The following QKI variants were observed in gnomAD, a reference collection of about 807,000 sequenced individuals.
The protein encoded by QKI is KH domain-containing RNA-binding protein QKI.
In QKI, 10 loss-of-function variants were observed where a neutral mutation model predicts 39.0. The observed-to-expected ratio is 0.26, with a 90% CI of 0.16 to 0.43. QKI has a LOEUF of 0.43. Ranked by LOEUF, QKI falls within the 20% of genes least tolerant of loss-of-function variation. The pLI, the probability that QKI is intolerant of heterozygous loss-of-function variation, is 1.00. For synonymous variants in QKI, 204 were observed against 155.4 expected, an observed-to-expected ratio of 1.31 and a Z score of -2.33; for missense variants, 218 against 428.0, an observed-to-expected ratio of 0.51 and a Z score of 4.33.
chr6:163,509,156 TC>T (rs1779284055), intron 3 of QKI, among the ~76,000 whole-genome samples: 1 of 151,228 alleles, frequency 6.6e-6, no homozygotes, highest in African/African-American at 2.5e-5. Flanking sequence ...AGTCAATCAG[TC>T]AGTCAATCAA....
chr6:163,535,287 C>T (rs1016424745), intron 4 of QKI, among the ~76,000 whole-genome samples, 162 bp downstream of exon 4: 2 of 151,982 alleles, frequency 1.3e-5, no homozygotes, highest in African/African-American at 4.8e-5. Context: ...ATAATAAAAA[C>T]ATAAAGTTCG....
At chr6:163,514,077 A>G (rs1189929969) in intron 3 of QKI, among the ~76,000 whole-genome samples, 2 of 152,104 alleles carry the variant, frequency 1.3e-5, no homozygotes, top group Non-Finnish European at 2.9e-5. Context: ...GCCAGAGGAG[A>G]TAGATAACCC....
intron 3 of QKI, among the ~76,000 whole-genome samples, chr6:163,504,790 A>G (rs948546402): frequency 2.0e-5 from 3 of 152,160 alleles, no homozygotes. Flanking sequence ...TATTGTTAGC[A>G]AAGAGAGATA....
In QKI at chr6:163,455,429, T is replaced by G. The variant is rs1327559590; in HGVS notation, c.285+8T>G. 1 of 1,607,344 alleles carries G rather than the reference T, an allele frequency of 6.2e-7. No individual in the cohort carries two copies. Among genetic ancestry groups the G allele is most frequent in the South Asian group, 1.1e-5 (1 of 90,424 alleles). ...GTAAAAGAATACCCAGATGTAAGTA[T>G]ATTTTGTTGTTTTATTCAATTTTGT... On this transcript the variant is annotated splice_region_variant and intron_variant, in intron 2 of 7. Transcript: ENST00000361752.
intron 1 of QKI, among the ~76,000 whole-genome samples, chr6:163,422,065 C>T (rs921503310): frequency 3.3e-5 from 5 of 151,404 alleles, no homozygotes; most frequent in Non-Finnish European, 7.4e-5. Flanking sequence ...AGCCACCAAG[C>T]TCTAAACTGT....
intron 4 of QKI, among the ~76,000 whole-genome samples, chr6:163,542,154 A>G (rs1781563430): frequency 6.6e-6 from 1 of 152,006 alleles, no homozygotes; most frequent in African/African-American, 2.4e-5. Context: ...GAAATTATAT[A>G]ACATTACTAA....
At chr6:163,430,360 A>T (rs942512811) in intron 1 of QKI, among the ~76,000 whole-genome samples, 2 of 151,882 alleles carry the variant, frequency 1.3e-5, no homozygotes, top group African/African-American at 4.8e-5. Context: ...GACTCTCTTT[A>T]GGTTTTTGGA....
At chr6:163,499,564 G>A (rs1342415387) in intron 3 of QKI, among the ~76,000 whole-genome samples, 2 of 152,140 alleles carry the variant, frequency 1.3e-5, no homozygotes, top group Admixed American at 6.5e-5. Flanking sequence ...GACAGTGTAC[G>A]TTTAGTTTAA....
intron 4 of QKI, among the ~76,000 whole-genome samples, chr6:163,542,162 T>TA (rs1411777474): frequency 6.6e-6 from 1 of 151,920 alleles, no homozygotes; most frequent in East Asian, 1.9e-4. Context: ...ATAACATTAC[T>TA]AAAAAATAAT....
chr6:163,471,945 G>C (rs1792224770), intron 2 of QKI, among the ~76,000 whole-genome samples: 1 of 152,022 alleles, frequency 6.6e-6, no homozygotes, highest in African/African-American at 2.4e-5. Flanking sequence ...ATCTATATTA[G>C]TATCAGTGTA....
intron 6 of QKI, chr6:163,564,422 AG>A: frequency 7.3e-7 from 1 of 1,375,198 alleles, no homozygotes; most frequent in Non-Finnish European, 9.4e-7. Context: ...GTTGTTATGC[AG>A]GCATGACTGT....
chr6:163,431,561 G>A (rs961597334), intron 1 of QKI, among the ~76,000 whole-genome samples: 1 of 152,012 alleles, frequency 6.6e-6, no homozygotes, highest in Admixed American at 6.6e-5. Context: ...ATTTTGGAAA[G>A]AAAAATACTT....
chr6:163,540,519 C>A (rs1425930194), intron 4 of QKI, among the ~76,000 whole-genome samples: 1 of 152,052 alleles, frequency 6.6e-6, no homozygotes, highest in Non-Finnish European at 1.5e-5. Flanking sequence ...TGGTAGACTT[C>A]TTTGTTTTTT....
chr6:163,440,458 G>T (rs1789680280), intron 1 of QKI, among the ~76,000 whole-genome samples: 1 of 152,140 alleles, frequency 6.6e-6, no homozygotes, highest in Non-Finnish European at 1.5e-5. Flanking sequence ...AGAGTTCTTG[G>T]GGAGGCTTTT....
rs1338674162 is a variant in QKI, at chr6:163,570,707, C to T, written c.1023C>T (p.Asn341=). 1.9e-6 allele frequency: 3 copies of T among 1,612,750 alleles called. No homozygotes were observed. The highest frequency in any genetic ancestry group is 2.7e-5 in the African/African-American group (2 of 74,642). ...IVTADRAATG[N] is the part of the protein sequence containing the mutation. ...CTAACCACCCAGCCGCCACCGGCAACTAACCTATGACCTTCTGACCTCTGA... is the reference window on the plus strand; with the variant it reads ...CTAACCACCCAGCCGCCACCGGCAATTAACCTATGACCTTCTGACCTCTGA... Residue 341 remains asparagine, a synonymous_variant, in exon 8 of 8, where the codon AAC becomes AAT. Transcript: ENST00000361752.
chr6:163,492,518 AAC>A (rs1182610856), intron 3 of QKI, among the ~76,000 whole-genome samples: 1 of 152,168 alleles, frequency 6.6e-6, no homozygotes, highest in East Asian at 1.9e-4. Flanking sequence ...TATTTTTAAA[AAC>A]AGTAATAGAA....
intron 4 of QKI, among the ~76,000 whole-genome samples, chr6:163,537,387 A>G (rs1781269363): frequency 6.6e-6 from 1 of 152,222 alleles, no homozygotes; most frequent in African/African-American, 2.4e-5. Flanking sequence ...ATGTACAGAA[A>G]TAGTTCCTTG....
intron 3 of QKI, among the ~76,000 whole-genome samples, chr6:163,515,202 G>T (rs576274229): frequency 2.3e-4 from 35 of 152,232 alleles, no homozygotes; most frequent in Admixed American, 4.6e-4. Context: ...TGTACCATTT[G>T]ATGTCCTCAA....
intron 1 of QKI, among the ~76,000 whole-genome samples, chr6:163,427,708 A>T (rs1363940390): frequency 6.6e-6 from 1 of 152,042 alleles, no homozygotes; most frequent in African/African-American, 2.4e-5. Context: ...TGTGATGGCA[A>T]TATGATCCAG....
Sources: gnomAD v4.1 joint callset for allele counts (sites outside exome capture counted in the v4.1 genomes callset) on GRCh38, gnomAD v4.1.1 for gene constraint, MANE v1.5 for transcripts, NCBI Gene and HGNC (gene_info 2026-07-23, HGNC 2026-07-21) for gene names.